ARMC3: variants seen among roughly 807,000 people sequenced by gnomAD.
ARMC3 encodes armadillo repeat-containing protein 3.
ARMC3 carries 74 observed loss-of-function variants against 90.3 expected under a neutral mutation model. That is an observed-to-expected ratio of 0.82 (90% CI 0.68 to 0.99). The LOEUF (loss-of-function observed/expected upper bound fraction) is 0.99, where lower values mean the gene tolerates loss of function less well. Ranked by LOEUF, ARMC3 falls within the 50% of genes least tolerant of loss-of-function variation. The pLI, the probability that ARMC3 is intolerant of heterozygous loss-of-function variation, is 0.00. For synonymous variants in ARMC3, 334 were observed against 361.8 expected (o/e 0.92, Z 0.87); for missense variants, 958 against 1,042.8 (o/e 0.92, Z 1.12).
At chr10:22,934,718 G>A (rs1391304676) in intron 2 of ARMC3, among the ~76,000 whole-genome samples, 1 of 152,142 alleles carries the variant, frequency 6.6e-6, no homozygotes, top group Non-Finnish European at 1.5e-5. Flanking sequence ...TTAATTCATA[G>A]GAATACCCAC....
At chr10:22,988,455 C>CA (rs1264036776) in intron 10 of ARMC3, among the ~76,000 whole-genome samples, 1 of 152,170 alleles carries the variant, frequency 6.6e-6, no homozygotes, top group Non-Finnish European at 1.5e-5. Flanking sequence ...AAGCACTTTT[C>CA]AAACCTTTTG....
chr10:23,000,819 A>G (rs778684108), intron 11 of ARMC3, among the ~76,000 whole-genome samples: 3 of 152,232 alleles, frequency 2.0e-5, no homozygotes, highest in Non-Finnish European at 4.4e-5. Flanking sequence ...TTAGGATACT[A>G]CACATTCAAG....
At chr10:22,940,545 G>A (rs1315355127) in intron 2 of ARMC3, among the ~76,000 whole-genome samples, 1 of 151,736 alleles carries the variant, frequency 6.6e-6, no homozygotes, top group Non-Finnish European at 1.5e-5. Flanking sequence ...GGAATGCAGT[G>A]GTATGACTGT....
At chr10:23,012,889 C>CT (rs553944945) in intron 16 of ARMC3, among the ~76,000 whole-genome samples, 27,741 of 134,192 alleles carry the variant, frequency 0.21, 3,654 homozygotes, top group African/African-American at 0.3. Flanking sequence ...TAGCCCCCAC[C>CT]TTTTTTTTTT....
chr10:23,001,673 C>T (rs761991054), intron 11 of ARMC3, among the ~76,000 whole-genome samples: 62 of 152,142 alleles, frequency 4.1e-4, no homozygotes, highest in Non-Finnish European at 7.4e-4. Context: ...CTGCAGTCCC[C>T]GTCCCACGTA....
At chr10:23,007,684 GCAAGACTC>G (rs1339104442) in intron 14 of ARMC3, among the ~76,000 whole-genome samples, 3 of 127,340 alleles carry the variant, frequency 2.4e-5, no homozygotes, top group Non-Finnish European at 4.8e-5. Flanking sequence ...TGGCAACAGA[GCAAGACTC>G]CGTCTCAAAA....
chr10:23,026,087 A>C lies in ARMC3; in HGVS notation c.2046-4509A>C, dbSNP rs541253589. Among the ~76,000 whole-genome samples, 3 of 152,242 alleles carry C rather than the reference A, an allele frequency of 2.0e-5. No individual in the cohort carries two copies. In the South Asian group the frequency reaches 6.2e-4, roughly 32 times the overall value. ...CTATTAAATAAATTTAATTCATTAA[A>C]ATTTTTTTCCAAAAAGAAATCTCTT... On this transcript the variant is annotated intron_variant, in intron 16 of 18. Transcript: ENST00000298032.
intron 18 of ARMC3, among the ~76,000 whole-genome samples, chr10:23,035,001 T>A (rs181149790): frequency 9.8e-4 from 150 of 152,358 alleles, no homozygotes; most frequent in African/African-American, 3.3e-3. Context: ...TGAGCTGCTA[T>A]AACAAAATAC....
intron 16 of ARMC3, among the ~76,000 whole-genome samples, chr10:23,009,581 C>T (rs1379305274): frequency 1.3e-5 from 2 of 152,196 alleles, no homozygotes; most frequent in African/African-American, 4.8e-5. Flanking sequence ...TCACTGCAAC[C>T]TCTGCCTCCC....
intron 16 of ARMC3, among the ~76,000 whole-genome samples, chr10:23,010,884 C>G (rs1304087028): frequency 2.3e-4 from 15 of 65,792 alleles, no homozygotes; most frequent in African/African-American, 5.6e-4. Flanking sequence ...CCTTCCCTTT[C>G]CCTCCCACTC....
chr10:22,933,292 T>C (rs1833999323), intron 2 of ARMC3, among the ~76,000 whole-genome samples: 1 of 152,188 alleles, frequency 6.6e-6, no homozygotes, highest in South Asian at 2.1e-4. Context: ...CCAAGGTTTG[T>C]ATCACTCCCC....
intron 10 of ARMC3, among the ~76,000 whole-genome samples, chr10:22,996,676 G>A (rs539289382): frequency 8.5e-5 from 13 of 152,242 alleles, no homozygotes; most frequent in East Asian, 1.9e-4. Context: ...TCTTCATTAC[G>A]TTCCTGCCCA....
At chr10:22,986,124 C>T (rs2131357384) in intron 10 of ARMC3, among the ~76,000 whole-genome samples, 1 of 150,218 alleles carries the variant, frequency 6.7e-6, no homozygotes, top group East Asian at 2.0e-4. Context: ...CCCCCCCGCG[C>T]CACACACCAA....
chr10:22,964,559 C>T (rs1484998079), intron 7 of ARMC3, among the ~76,000 whole-genome samples: 3 of 151,912 alleles, frequency 2.0e-5, no homozygotes, highest in African/African-American at 4.8e-5. Context: ...CCTACTCAGC[C>T]TCCCAACTAG....
At chr10:23,019,551 T>C (rs542594474) in intron 16 of ARMC3, among the ~76,000 whole-genome samples, 3 of 152,344 alleles carry the variant, frequency 2.0e-5, no homozygotes, top group African/African-American at 7.2e-5. Flanking sequence ...TGCTTTGTTT[T>C]GTTTTTTTTA....
intron 3 of ARMC3, among the ~76,000 whole-genome samples, chr10:22,947,264 C>T (rs942608457): frequency 6.6e-6 from 1 of 151,826 alleles, no homozygotes; most frequent in Non-Finnish European, 1.5e-5. Flanking sequence ...TGAGACTGTG[C>T]CACTGCACTC....
At chr10:23,033,236 T>C (rs1039632666) in intron 18 of ARMC3, among the ~76,000 whole-genome samples, 2 of 152,168 alleles carry the variant, frequency 1.3e-5, no homozygotes, top group African/African-American at 4.8e-5. Context: ...TACCTGCCTA[T>C]ATAGTCAACA....
intron 11 of ARMC3, among the ~76,000 whole-genome samples, chr10:23,001,656 A>G (rs950952032): frequency 6.6e-6 from 1 of 150,950 alleles, no homozygotes; most frequent in Non-Finnish European, 1.5e-5. Flanking sequence ...GAGAAGACAG[A>G]CTCCTGCTGC....
chr10:23,011,140 A>G, intron 16 of ARMC3, among the ~76,000 whole-genome samples: 1 of 152,052 alleles, frequency 6.6e-6, no homozygotes, highest in Non-Finnish European at 1.5e-5. Context: ...GCTCCTCAAG[A>G]ACAAGGAATG....
Sources: gnomAD v4.1 joint callset for allele counts (sites outside exome capture counted in the v4.1 genomes callset) on GRCh38, gnomAD v4.1.1 for gene constraint, MANE v1.5 for transcripts, NCBI Gene and HGNC (gene_info 2026-07-23, HGNC 2026-07-21) for gene names.